Variants in BRDT observed in about 807,000 individuals in gnomAD.
BRDT encodes the protein bromodomain testis-specific protein.
Under a neutral mutation model 113.9 loss-of-function variants are expected in BRDT, and 77 were observed. That is an observed-to-expected ratio of 0.68 (90% CI 0.56 to 0.82). The LOEUF (loss-of-function observed/expected upper bound fraction) is 0.82, where lower values mean the gene tolerates loss of function less well. BRDT is among the 40% of genes least tolerant of loss of function. BRDT has a pLI of 0.00. For synonymous variants in BRDT, 358 were observed against 366.5 expected (o/e 0.98, Z 0.26); for missense variants, 1,027 against 1,105.4 (o/e 0.93, Z 1.01).
intron 1 of BRDT, among the ~76,000 whole-genome samples, chr1:91,959,947 C>G (rs1312520652): frequency 6.6e-6 from 1 of 152,170 alleles, no homozygotes; most frequent in Non-Finnish European, 1.5e-5. Context: ...AACTGATTCC[C>G]AGGCGCTCTC....
chr1:92,006,535 C>G (rs947215888), intron 18 of BRDT, among the ~76,000 whole-genome samples: 2 of 150,710 alleles, frequency 1.3e-5, no homozygotes, highest in African/African-American at 4.9e-5. Flanking sequence ...GGTGTGATCT[C>G]GGCTCACTGC....
At chr1:91,951,520 G>A (rs550685903) in intron 1 of BRDT, among the ~76,000 whole-genome samples, 3 of 152,252 alleles carry the variant, frequency 2.0e-5, no homozygotes, top group Admixed American at 2.0e-4. Flanking sequence ...AAAAAGGCTG[G>A]GCGCGGTGGC....
chr1:91,960,877 T>G (rs1203426712), intron 1 of BRDT, among the ~76,000 whole-genome samples: 1 of 152,246 alleles, frequency 6.6e-6, no homozygotes, highest in African/African-American at 2.4e-5. Context: ...GTACCTTTAT[T>G]ATCCTTAAAG....
At position 91,994,202 on chromosome 1, in the gene BRDT, A is replaced by G. The variant is rs1466279566; in HGVS notation, c.2235A>G (p.Glu745=). 6.2e-7 allele frequency: 1 copy of G among 1,612,374 alleles called. No homozygotes were observed. Among genetic ancestry groups the G allele is most frequent in the Non-Finnish European group, 8.5e-7 (1 of 1,179,456 alleles). ...TAGCATTTAATTATCAAGAATTAGA[A>G]CATTTACAGACTGTGAAAAACATTT... The part of the protein sequence containing the change: ...HQLAFNYQEL[E]HLQTVKNISP... Residue 745 remains glutamate (E), a synonymous_variant, in exon 15 of 19, where the codon GAA becomes GAG. Coordinates refer to ENST00000399546, the MANE Select transcript of BRDT (RefSeq NM_207189.4).
intron 1 of BRDT, among the ~76,000 whole-genome samples, chr1:91,951,178 G>A (rs1034705890): frequency 1.1e-4 from 17 of 152,134 alleles, no homozygotes; most frequent in African/African-American, 3.9e-4. Context: ...CCTCACTGTC[G>A]CTGACCGTGT....
chr1:92,013,557 T>A (rs1224593889), intron 18 of BRDT, among the ~76,000 whole-genome samples: 1 of 152,240 alleles, frequency 6.6e-6, no homozygotes, highest in Non-Finnish European at 1.5e-5. Context: ...TAAGGGCAGT[T>A]AGAAAAGGCT....
At chr1:91,972,551 G>A (rs1234282927) in intron 4 of BRDT, among the ~76,000 whole-genome samples, 8 of 152,138 alleles carry the variant, frequency 5.3e-5, no homozygotes, top group Non-Finnish European at 7.4e-5. Context: ...TGTCCAACAC[G>A]CAATAGGCAT....
chr1:91,998,288 T>C (rs1274063427), intron 15 of BRDT, among the ~76,000 whole-genome samples: 2 of 151,880 alleles, frequency 1.3e-5, no homozygotes, highest in Admixed American at 6.6e-5. Flanking sequence ...TTCTCACTCA[T>C]AAGTGGGAGT....
intron 1 of BRDT, among the ~76,000 whole-genome samples, chr1:91,961,149 A>G (rs1216227583): frequency 6.6e-6 from 1 of 151,924 alleles, no homozygotes; most frequent in Non-Finnish European, 1.5e-5. Flanking sequence ...TGCCTGTACT[A>G]AAAATACAAA....
chr1:91,981,682 CAG>C lies in BRDT; in HGVS notation c.1930_1931del (p.Ser644GlnfsTer7). The C allele has an allele frequency of 6.2e-7, 1 of 1,614,206 alleles. No homozygotes were observed. The highest frequency in any genetic ancestry group is 8.5e-7 in the Non-Finnish European group (1 of 1,180,024). On this transcript the variant is annotated frameshift_variant, in exon 12 of 19. Coordinates refer to ENST00000399546, the MANE Select transcript of BRDT (RefSeq NM_207189.4). LOFTEE classifies it high-confidence loss of function. ...VSRLSESSSSSSSSSESESSS... is the reference protein window; with the variant it reads ...VSRLSESSSSXSSSSESESSS... ...CCCGACTGAGTGAGAGCAGCAGCAG[CAG>C]CAGCAGCTCATCAGAGTCTGAAAGT...
chr1:91,965,574 G>T (rs1682973499), intron 3 of BRDT, among the ~76,000 whole-genome samples: 1 of 152,140 alleles, frequency 6.6e-6, no homozygotes, highest in Non-Finnish European at 1.5e-5. Flanking sequence ...TTCTGGCCGG[G>T]CACGGTGGCT....
rs758746905 is a variant in BRDT at position 91,976,362 on chromosome 1, T to A, written c.542T>A (p.Phe181Tyr). 3 of 1,612,760 alleles carry A rather than the reference T, an allele frequency of 1.9e-6. No homozygotes were observed. The South Asian group carries it at 3.3e-5, about 18-fold the overall frequency. Reference sequence around the variant, plus strand: ...AAGCAGCAAGAAATTCCTTCTGTATTTCCTAAGACATCTATTTCTCCCTTG... The same window carrying A: ...AAGCAGCAAGAAATTCCTTCTGTATATCCTAAGACATCTATTTCTCCCTTG... ...VFKQQEIPSV[F>Y]PKTSISPLNV... Residue 181 changes from phenylalanine (F) to tyrosine (Y), a missense_variant, in exon 5 of 19, where the codon TTT becomes TAT. Physicochemically the swap from Phe to Tyr is conservative, Grantham distance 22. Coordinates refer to ENST00000399546, the MANE Select transcript of BRDT (RefSeq NM_207189.4).
chr1:91,999,363 G>A (rs943655970), intron 15 of BRDT, among the ~76,000 whole-genome samples: 4 of 151,990 alleles, frequency 2.6e-5, no homozygotes, highest in African/African-American at 9.7e-5. Context: ...GGTATCACAG[G>A]GTCATTCATG....
chr1:91,975,119 C>T (rs1253936359), intron 4 of BRDT, among the ~76,000 whole-genome samples: 16 of 151,636 alleles, frequency 1.1e-4, no homozygotes, highest in African/African-American at 3.4e-4. Flanking sequence ...CATCACACAC[C>T]GGGGCCTGTC....
chr1:92,007,622 T>A (rs1461973909), intron 18 of BRDT, among the ~76,000 whole-genome samples: 1 of 152,224 alleles, frequency 6.6e-6, no homozygotes, highest in East Asian at 1.9e-4. Flanking sequence ...TTCATTGACA[T>A]AGTCAGTAAC....
intron 15 of BRDT, among the ~76,000 whole-genome samples, chr1:91,997,384 A>G (rs1259661040): frequency 6.6e-6 from 1 of 152,142 alleles, no homozygotes; most frequent in Admixed American, 6.5e-5. Flanking sequence ...AGGAAAATAG[A>G]TTTTTTGGAG....
At chr1:91,973,949 T>G (rs1288019026) in intron 4 of BRDT, among the ~76,000 whole-genome samples, 1 of 152,078 alleles carries the variant, frequency 6.6e-6, no homozygotes, top group African/African-American at 2.4e-5. Flanking sequence ...TACAGACCAA[T>G]GGAACAGAAC....
Position 92,005,139 on chromosome 1 carries a change from CTG to C in BRDT, c.2617_2618del (p.Val873ArgfsTer6), listed in dbSNP as rs1297852726. ...TTAAGGGATCTTGGGAATGGATTGA[CTG>C]TAGAATCTTTTTCAAATAAAATACA... is the stretch of plus-strand genomic sequence containing the variant. On this transcript the variant is annotated frameshift_variant, in exon 18 of 19. Transcript: ENST00000399546. LOFTEE classifies it high-confidence loss of function. 6 of 1,522,790 alleles carry C rather than the reference CTG, an allele frequency of 3.9e-6. No homozygotes were observed. Among genetic ancestry groups the C allele is most frequent in the Non-Finnish European group, 5.3e-6 (6 of 1,141,600 alleles). The allele number at this position is 1,522,790 out of a possible 1,614,324, so 94.3% of individuals were successfully genotyped here. A position where few individuals can be genotyped will look rare whatever the true frequency, so the allele number is the denominator to read the frequency against.
rs769457528 is a variant in BRDT, at chr1:91,981,460, G to A, written c.1864+79G>A. Reference sequence around the variant, plus strand: ...GGGTCTTGTGATATTGCCCAGGCTGGTCTTGAACTCCTGGCCTCATGTGAT... The same window carrying A: ...GGGTCTTGTGATATTGCCCAGGCTGATCTTGAACTCCTGGCCTCATGTGAT... On this transcript the variant is annotated intron_variant, in intron 11 of 18. Transcript: ENST00000399546. 1,039 of 1,502,500 alleles carry A rather than the reference G, an allele frequency of 6.9e-4. 1 individual carries two copies. Among genetic ancestry groups the A allele is most frequent in the Non-Finnish European group, 8.3e-4 (911 of 1,092,300 alleles). 93.1% of individuals were successfully genotyped at this position (1,502,500 alleles called of 1,614,324 possible). A position where few individuals can be genotyped will look rare whatever the true frequency, so the allele number is the denominator to read the frequency against.
Sources: gnomAD v4.1 joint callset for allele counts (sites outside exome capture counted in the v4.1 genomes callset) on GRCh38, gnomAD v4.1.1 for gene constraint, MANE v1.5 for transcripts, NCBI Gene and HGNC (gene_info 2026-07-23, HGNC 2026-07-21) for gene names.